The following HOMER2 variants were observed in gnomAD, a reference collection of about 807,000 sequenced individuals.
The protein encoded by HOMER2 is homer protein homolog 2.
Under a neutral mutation model 47.0 loss-of-function variants are expected in HOMER2, and 27 were observed. The observed-to-expected ratio is 0.57, with a 90% CI of 0.42 to 0.79. The LOEUF is 0.79. Ranked by LOEUF, HOMER2 falls within the 30% of genes least tolerant of loss-of-function variation. HOMER2 has a pLI of 0.00. For missense variants in HOMER2, 443 were observed against 435.0 expected, an observed-to-expected ratio of 1.02 and a Z score of -0.16; for synonymous variants, 161 against 163.8, an observed-to-expected ratio of 0.98 and a Z score of 0.13.
chr15:82,891,750 T>C (rs2052714935), intron 2 of HOMER2, among the ~76,000 whole-genome samples: 1 of 152,166 alleles, frequency 6.6e-6, no homozygotes, highest in Admixed American at 6.5e-5. Flanking sequence ...AGTTATGGTC[T>C]TAAAAGAGCA....
At chr15:82,875,764 C>T (rs2052329250) in intron 2 of HOMER2, among the ~76,000 whole-genome samples, 1 of 152,260 alleles carries the variant, frequency 6.6e-6, no homozygotes, top group Non-Finnish European at 1.5e-5. Flanking sequence ...CCATGTCCCA[C>T]ATTCTTGGAA....
Position 82,849,861 on chromosome 15 carries a change from A to G in HOMER2, c.886T>C (p.Ser296Pro). The G allele has an allele frequency of 6.2e-7, 1 of 1,613,922 alleles. No individual in the cohort carries two copies. Among genetic ancestry groups the G allele is most frequent in the East Asian group, 2.2e-5 (1 of 44,864 alleles). The change falls in exon 9 of 9, where the codon TCC becomes CCC. Residue 296 changes from serine (S) to proline (P), a missense_variant. Ser to Pro is a moderately conservative substitution (Grantham distance 74, BLOSUM62 -1). Transcript: ENST00000450735. ...DNQNLEDKVR[S>P]LKTDIEESKY... ...CTCTCCTCAATGTCTGTCTTTAAGG[A>G]ACGCACTTTGTCTTCCAGGTTTTGA... is the stretch of plus-strand genomic sequence containing the variant.
intron 1 of HOMER2, among the ~76,000 whole-genome samples, chr15:82,971,942 C>G (rs535569812): frequency 6.6e-6 from 1 of 152,202 alleles, no homozygotes; most frequent in Non-Finnish European, 1.5e-5. Flanking sequence ...TAAATCTCCT[C>G]TTCTATTCTC....
intron 1 of HOMER2, among the ~76,000 whole-genome samples, chr15:82,909,286 C>T (rs1318733316): frequency 6.6e-6 from 1 of 152,170 alleles, no homozygotes; most frequent in Non-Finnish European, 1.5e-5. Context: ...GTGCACCTCA[C>T]AGATGGAGCA....
chr15:82,879,032 G>A (rs1420684218), intron 2 of HOMER2, among the ~76,000 whole-genome samples: 2 of 152,070 alleles, frequency 1.3e-5, no homozygotes, highest in African/African-American at 4.8e-5. Context: ...CACTAATCCT[G>A]GCCACTGATG....
intron 1 of HOMER2, among the ~76,000 whole-genome samples, chr15:82,893,817 G>T (rs1382988954): frequency 6.6e-6 from 1 of 152,086 alleles, no homozygotes; most frequent in Non-Finnish European, 1.5e-5. Flanking sequence ...GGTAGAGACA[G>T]GGTCTCTCTG....
At position 82,897,065 on chromosome 15, in the gene HOMER2, C is replaced by CT. The variant is rs68038013; in HGVS notation, c.6-4225dup. On this transcript the variant is annotated intron_variant, in intron 1 of 8. Coordinates refer to ENST00000450735, the MANE Select transcript of HOMER2 (RefSeq NM_004839.4). Reference sequence around the variant, plus strand: ...ACAGGTCTGAAATTTGATGTCATTTCTTTTTTTTTTTTTTTTTTTTAGATG... The same window carrying CT: ...ACAGGTCTGAAATTTGATGTCATTTCTTTTTTTTTTTTTTTTTTTTTAGATG... Among the ~76,000 whole-genome samples, 165 of 101,846 alleles carry CT rather than the reference C, an allele frequency of 1.6e-3. 4 individuals are homozygous for CT. The highest frequency in any genetic ancestry group is 0.011 in the South Asian group (34 of 3,074). The allele number at this position is 101,846 out of a possible 152,430, so 66.8% of individuals were successfully genotyped here. A position where few individuals can be genotyped will look rare whatever the true frequency, so the allele number is the denominator to read the frequency against.
chr15:82,858,287 C>A (rs972236554), intron 5 of HOMER2, among the ~76,000 whole-genome samples: 1 of 148,218 alleles, frequency 6.7e-6, no homozygotes, highest in Non-Finnish European at 1.5e-5. Flanking sequence ...GTTCAAAATT[C>A]TTTTTTTTTT....
At chr15:82,962,142 G>A (rs867156698) in intron 1 of HOMER2, among the ~76,000 whole-genome samples, 2 of 151,696 alleles carry the variant, frequency 1.3e-5, no homozygotes, top group South Asian at 2.1e-4. Context: ...AGTCCGAGGC[G>A]GGCGGATCAC....
At chr15:82,889,476 G>A (rs1223976481) in intron 2 of HOMER2, among the ~76,000 whole-genome samples, 3 of 152,188 alleles carry the variant, frequency 2.0e-5, no homozygotes, top group Non-Finnish European at 2.9e-5. Flanking sequence ...GGGGGTGAGG[G>A]TGGGCAAGGG....
chr15:82,975,005 G>A (rs1441428263), intron 1 of HOMER2, among the ~76,000 whole-genome samples: 1 of 152,198 alleles, frequency 6.6e-6, no homozygotes, highest in Non-Finnish European at 1.5e-5. Flanking sequence ...AGGTGGCAGA[G>A]ATTGCAGTGA....
chr15:82,980,262 C>A (rs1222455037), intron 1 of HOMER2, among the ~76,000 whole-genome samples: 9 of 152,004 alleles, frequency 5.9e-5, no homozygotes, highest in Admixed American at 5.9e-4. Context: ...AAGAGCCATA[C>A]CCCCTCTATA....
chr15:82,861,052 CTT>C lies in HOMER2; in HGVS notation c.388-1919_388-1918del, dbSNP rs1192386101. Among the ~76,000 whole-genome samples, 14 of 151,570 alleles carry C rather than the reference CTT, an allele frequency of 9.2e-5. No individual in the cohort carries two copies. The East Asian group carries it at 1.9e-3, about 21-fold the overall frequency. ...AAGAGAAGAGAAAAGAAAAGAAAGACTTTTCATCTGTCAAATTAACAAAGCTT... is the reference window on the plus strand; with the variant it reads ...AAGAGAAGAGAAAAGAAAAGAAAGACTTCATCTGTCAAATTAACAAAGCTT... On this transcript the variant is annotated intron_variant, in intron 4 of 8. Coordinates refer to ENST00000450735, the MANE Select transcript of HOMER2 (RefSeq NM_004839.4).
At chr15:82,869,533 C>T (rs2052110176) in intron 3 of HOMER2, among the ~76,000 whole-genome samples, 1 of 129,038 alleles carries the variant, frequency 7.7e-6, no homozygotes, top group Non-Finnish European at 1.5e-5. Flanking sequence ...ATCTTGCTCA[C>T]TGCAACCTCT....
chr15:82,877,930 G>C (rs559249007), intron 2 of HOMER2, among the ~76,000 whole-genome samples: 1 of 152,220 alleles, frequency 6.6e-6, no homozygotes, highest in South Asian at 2.1e-4. Flanking sequence ...GGGGATTCTG[G>C]CTCAGCCCCA....
downstream of HOMER2, among the ~76,000 whole-genome samples, chr15:82,836,671 G>C (rs1238735399): frequency 6.6e-6 from 1 of 152,268 alleles, no homozygotes; most frequent in African/African-American, 2.4e-5. Flanking sequence ...CAATCCTATG[G>C]ATTGTCCTGG....
At chr15:82,955,466 G>A (rs2054579125), upstream of HOMER2, among the ~76,000 whole-genome samples, 1 of 152,186 alleles carries the variant, frequency 6.6e-6, no homozygotes, top group Non-Finnish European at 1.5e-5. Flanking sequence ...ACCATGCCCG[G>A]CCTGTATTTT....
At chr15:82,870,530 G>GC (rs2052143332) in intron 3 of HOMER2, among the ~76,000 whole-genome samples, 1 of 152,182 alleles carries the variant, frequency 6.6e-6, no homozygotes, top group African/African-American at 2.4e-5. Context: ...CACTGTACTA[G>GC]CAACCACCTG....
At chr15:82,926,664 G>A (rs1184806727) in intron 1 of HOMER2, 1 of 152,224 alleles carries the variant, frequency 6.6e-6, no homozygotes, top group African/African-American at 2.4e-5. Flanking sequence ...CTCCAGCCTG[G>A]GCAACACAGC....
Sources: allele counts gnomAD v4.1 joint callset (sites outside exome capture counted in the v4.1 genomes callset), GRCh38; gene constraint gnomAD v4.1.1; transcripts MANE v1.5; gene names NCBI Gene and HGNC (gene_info 2026-07-23, HGNC 2026-07-21).